The following CDH13 variants were observed in gnomAD, a reference collection of about 807,000 sequenced individuals.
CDH13 encodes cadherin-13.
CDH13 carries 24 observed loss-of-function variants against 63.8 expected under a neutral mutation model. That is an observed-to-expected ratio of 0.38 (90% CI 0.27 to 0.53). The LOEUF (loss-of-function observed/expected upper bound fraction) is 0.53, where lower values mean the gene tolerates loss of function less well. Among genes scored for constraint, CDH13 ranks in the 20% least tolerant of loss-of-function variants. CDH13 has a pLI of 0.85. For missense variants in CDH13, 1,049 were observed against 903.1 expected, an observed-to-expected ratio of 1.16 and a Z score of -2.07; for synonymous variants, 503 against 355.3, an observed-to-expected ratio of 1.42 and a Z score of -4.67.
At chr16:83,676,635 C>T (rs1914979070) in intron 9 of CDH13, among the ~76,000 whole-genome samples, 1 of 152,208 alleles carries the variant, frequency 6.6e-6, no homozygotes, top group African/African-American at 2.4e-5. Flanking sequence ...TGCAGCCACT[C>T]AGCACTAAGA....
At chr16:83,072,762 A>G (rs1403689357) in intron 3 of CDH13, among the ~76,000 whole-genome samples, 1 of 152,126 alleles carries the variant, frequency 6.6e-6, no homozygotes, top group Admixed American at 6.6e-5. Flanking sequence ...TCCCCTAAGA[A>G]CACCCCTCAC....
intron 1 of CDH13, among the ~76,000 whole-genome samples, chr16:82,693,595 C>G (rs2029902380): frequency 6.6e-6 from 1 of 152,230 alleles, no homozygotes; most frequent in Non-Finnish European, 1.5e-5. Context: ...TCCAAGTAGA[C>G]ACTTATGCAA....
intron 10 of CDH13, among the ~76,000 whole-genome samples, chr16:83,745,740 G>A (rs1265648515): frequency 1.3e-5 from 2 of 152,148 alleles, no homozygotes; most frequent in Non-Finnish European, 2.9e-5. Context: ...TCATGGACAA[G>A]GGCAGTTCTT....
chr16:82,968,909 C>G (rs1048611197), intron 2 of CDH13, among the ~76,000 whole-genome samples: 2 of 152,088 alleles, frequency 1.3e-5, no homozygotes, highest in African/African-American at 2.4e-5. Flanking sequence ...TGCTTGAGCT[C>G]AAGAGTTCAA....
intron 1 of CDH13, among the ~76,000 whole-genome samples, chr16:82,690,395 A>C (rs968068224): frequency 2.6e-5 from 4 of 152,148 alleles, no homozygotes; most frequent in African/African-American, 7.2e-5. Context: ...TGGACACAAA[A>C]ATAACAAAAA....
intron 6 of CDH13, among the ~76,000 whole-genome samples, chr16:83,445,610 T>C (rs1249907207): frequency 1.3e-5 from 2 of 152,218 alleles, no homozygotes; most frequent in Non-Finnish European, 2.9e-5. Context: ...AATTTCTCTC[T>C]GCACATTTTG....
At chr16:82,941,879 A>T (rs962114190) in intron 2 of CDH13, among the ~76,000 whole-genome samples, 5 of 152,322 alleles carry the variant, frequency 3.3e-5, no homozygotes, top group African/African-American at 1.2e-4. Context: ...AGAATATAAC[A>T]GTTCTCTTCC....
chr16:82,890,515 A>C (rs7197674), intron 2 of CDH13, among the ~76,000 whole-genome samples: 6,861 of 152,314 alleles, frequency 0.045, 258 homozygotes, highest in African/African-American at 0.1. Flanking sequence ...AGTCATCAAC[A>C]GATGAAATTA....
At chr16:83,335,750 G>A (rs1304332502) in intron 5 of CDH13, among the ~76,000 whole-genome samples, 6 of 152,016 alleles carry the variant, frequency 3.9e-5, no homozygotes, top group Admixed American at 2.6e-4. Context: ...GTTTTGTTCC[G>A]ATCTAATTAC....
intron 5 of CDH13, among the ~76,000 whole-genome samples, chr16:83,261,503 G>GT (rs915929184): frequency 5.7e-4 from 87 of 152,112 alleles, no homozygotes; most frequent in African/African-American, 2.0e-3. Context: ...GTGGGGCTAG[G>GT]TGTCCAGTGT....
chr16:82,676,532 C>A (rs999008972), intron 1 of CDH13, among the ~76,000 whole-genome samples: 2 of 146,284 alleles, frequency 1.4e-5, no homozygotes, highest in African/African-American at 5.1e-5. Flanking sequence ...TCTGGCCCCC[C>A]AGATGGTCAT....
At chr16:83,311,281 G>A (rs2089994341) in intron 5 of CDH13, among the ~76,000 whole-genome samples, 1 of 152,076 alleles carries the variant, frequency 6.6e-6, no homozygotes, top group African/African-American at 2.4e-5. Context: ...ATCAGGATGT[G>A]TGTCCCGGTG....
At chr16:83,741,533 T>G (rs759311391) in intron 10 of CDH13, among the ~76,000 whole-genome samples, 8 of 152,076 alleles carry the variant, frequency 5.3e-5, no homozygotes, top group Non-Finnish European at 1.2e-4. Context: ...TGTGTGTATA[T>G]ATATGCCATA....
chr16:82,969,706 C>T (rs991692376), intron 2 of CDH13, among the ~76,000 whole-genome samples: 15 of 152,038 alleles, frequency 9.9e-5, no homozygotes, highest in African/African-American at 3.6e-4. Flanking sequence ...CTCCGGACAT[C>T]GTAAAATTAC....
At chr16:83,722,457 G>C (rs369114817) in intron 10 of CDH13, among the ~76,000 whole-genome samples, 1 of 152,138 alleles carries the variant, frequency 6.6e-6, no homozygotes, top group African/African-American at 2.4e-5. Flanking sequence ...CAGTGACATC[G>C]TGGGAGTAAC....
At chr16:83,401,201 T>C (rs2091962972) in intron 6 of CDH13, among the ~76,000 whole-genome samples, 1 of 151,854 alleles carries the variant, frequency 6.6e-6, no homozygotes, top group South Asian at 2.1e-4. Flanking sequence ...ATTGGTGTGG[T>C]GGTGTGTGCG....
At chr16:83,180,981 T>C in intron 4 of CDH13, 2 of 1,531,458 alleles carry the variant, frequency 1.3e-6, no homozygotes, top group Non-Finnish European at 1.7e-6. Context: ...TTTGGCGACA[T>C]TATTGCTTTA....
At chr16:83,163,803 C>A (rs1009202197) in intron 4 of CDH13, among the ~76,000 whole-genome samples, 2 of 152,076 alleles carry the variant, frequency 1.3e-5, no homozygotes, top group African/African-American at 2.4e-5. Context: ...ATAAACAAAC[C>A]TTTGTTGAGT....
At chr16:83,311,314 G>A (rs1014739958) in intron 5 of CDH13, among the ~76,000 whole-genome samples, 1 of 147,260 alleles carries the variant, frequency 6.8e-6, no homozygotes, top group East Asian at 2.0e-4. Flanking sequence ...CTGCTTTGCA[G>A]CAAGGAGATT....
Sources: allele counts gnomAD v4.1 joint callset (sites outside exome capture counted in the v4.1 genomes callset), GRCh38; gene constraint gnomAD v4.1.1; transcripts MANE v1.5; gene names NCBI Gene and HGNC (gene_info 2026-07-23, HGNC 2026-07-21).